MAN1B1: variants seen among roughly 807,000 people sequenced by gnomAD.
MAN1B1 encodes mannosidase alpha class 1B member 1, also known as endoplasmic reticulum mannosyl-oligosaccharide 1,2-alpha-mannosidase.
In MAN1B1, 66 loss-of-function variants were observed where a neutral mutation model predicts 75.5. The observed-to-expected ratio is 0.87, with a 90% CI of 0.72 to 1.07. MAN1B1 has a LOEUF of 1.07. Among genes scored for constraint, MAN1B1 ranks in the 50% least tolerant of loss-of-function variants. The pLI, the probability that MAN1B1 is intolerant of heterozygous loss-of-function variation, is 0.00. For missense variants in MAN1B1, 973 were observed against 912.5 expected, an observed-to-expected ratio of 1.07 and a Z score of -0.85; for synonymous variants, 453 against 382.8, an observed-to-expected ratio of 1.18 and a Z score of -2.14.
chr9:137,091,530 T>A (rs1193892227), intron 3 of MAN1B1, among the ~76,000 whole-genome samples: 12 of 145,526 alleles, frequency 8.2e-5, no homozygotes, highest in Admixed American at 5.5e-4. Context: ...TATTTTTTTT[T>A]TTTTTTTTTT....
At chr9:137,089,455 G>C (rs1293997854) in intron 3 of MAN1B1, among the ~76,000 whole-genome samples, 3 of 152,220 alleles carry the variant, frequency 2.0e-5, no homozygotes, top group African/African-American at 4.8e-5. Context: ...CTGGCACCGG[G>C]CAAGGTGGGG....
Position 137,108,682 on chromosome 9 carries a change from A to G in MAN1B1, c.*91A>G, listed in dbSNP as rs760279266. On this transcript the variant is annotated 3_prime_UTR_variant, in exon 13 of 13. Transcript: ENST00000371589. ...TCCAAGGGCCCACGTAGCACCGGCA[A>G]CCGCCAAGTGGCCCAGGCTCTGAAC... The G allele has an allele frequency of 4.9e-6, 6 of 1,226,534 alleles. No individual in the cohort carries two copies. The Admixed American group carries it at 5.1e-5, about 10-fold the overall frequency. 76.0% of individuals were successfully genotyped at this position (1,226,534 alleles called of 1,614,324 possible). A position where few individuals can be genotyped will look rare whatever the true frequency, so the allele number is the denominator to read the frequency against.
chr9:137,100,983 C>T (rs1202034153), intron 6 of MAN1B1, 22 bp from the exon 7 acceptor site: 2 of 1,613,860 alleles, frequency 1.2e-6, no homozygotes, highest in African/African-American at 2.7e-5. Flanking sequence ...GTCTCTGCAT[C>T]CTTTACTGTT....
chr9:137,105,175 T>C (rs1831049311), intron 8 of MAN1B1: 1 of 152,466 alleles, frequency 6.6e-6, no homozygotes, highest in Non-Finnish European at 1.5e-5. Flanking sequence ...AATGGTGTAT[T>C]TTGATAGATA....
intron 8 of MAN1B1, chr9:137,104,244 TTC>T (rs1831014860): frequency 2.7e-6 from 1 of 364,582 alleles, no homozygotes. Context: ...TTTTTTTGTT[TTC>T]GTTTGTTGAG....
At chr9:137,089,394 G>A (rs1472154802) in intron 3 of MAN1B1, 14 of 317,258 alleles carry the variant, frequency 4.4e-5, no homozygotes, top group South Asian at 2.2e-4. Flanking sequence ...GGTCCTGAGG[G>A]TTCAGGGGAG....
At chr9:137,094,102 C>T (rs557430351) in intron 3 of MAN1B1, among the ~76,000 whole-genome samples, 6 of 151,116 alleles carry the variant, frequency 4.0e-5, no homozygotes, top group Non-Finnish European at 4.4e-5. Flanking sequence ...GCAACCTCCA[C>T]GTCTCGGGTT....
In MAN1B1 at chr9:137,087,038, T is replaced by A; in HGVS notation, c.39T>A (p.Gly13=). The A allele has an allele frequency of 6.2e-7, 1 of 1,603,654 alleles. No homozygotes were observed. Among genetic ancestry groups the A allele is most frequent in the Non-Finnish European group, 8.5e-7 (1 of 1,176,872 alleles). The change falls in exon 1 of 13, where the codon GGT becomes GGA. Residue 13 remains glycine (G), a synonymous_variant. Coordinates refer to ENST00000371589, the MANE Select transcript of MAN1B1 (RefSeq NM_016219.5). Reference sequence around the variant, plus strand: ...AGGGCAGGAGAAGCGGAGCTCTCGGTTCCTCTCAGTCGGACTTCCTGACGC... The same window carrying A: ...AGGGCAGGAGAAGCGGAGCTCTCGGATCCTCTCAGTCGGACTTCCTGACGC... The part of the protein sequence containing the change: ...ACEGRRSGAL[G]SSQSDFLTPP...
In MAN1B1 at chr9:137,091,837, T is replaced by C. The variant is rs531101219; in HGVS notation, c.465+2832T>C. 5.3e-5 allele frequency among the ~76,000 whole-genome samples: 8 copies of C among 152,282 alleles called. No homozygotes were observed. The South Asian group carries it at 1.7e-3, about 32-fold the overall frequency. On this transcript the variant is annotated intron_variant, in intron 3 of 12. Transcript: ENST00000371589. ...CACCACGCCCGGCCTTAAAATTATT[T>C]AATAGAGATGAGGTCTCACTATGTT... is the stretch of plus-strand genomic sequence containing the variant.
chr9:137,102,027 G>A (rs867506087), intron 8 of MAN1B1: 193 of 393,140 alleles, frequency 4.9e-4, no homozygotes, highest in East Asian at 7.4e-4. Context: ...GCTGTTGCAG[G>A]CGTGCAGGTT....
Position 137,108,846 on chromosome 9 carries a change from T to G in MAN1B1, c.*255T>G. On this transcript the variant is annotated 3_prime_UTR_variant, in exon 13 of 13. Transcript: ENST00000371589. ...TCCTCCAGAAGACACGAATCATGAC[T>G]CACGATTGCTGAAGCCTGAGCAGGT... 1.5e-6 allele frequency: 1 copy of G among 645,674 alleles called. No homozygotes were observed. Among genetic ancestry groups the G allele is most frequent in the Non-Finnish European group, 2.9e-6 (1 of 348,764 alleles). The allele number at this position is 645,674 out of a possible 1,614,324, so 40.0% of individuals were successfully genotyped here.
intron 3 of MAN1B1, among the ~76,000 whole-genome samples, chr9:137,093,722 T>C (rs1444439607): frequency 6.6e-6 from 1 of 151,786 alleles, no homozygotes; most frequent in Middle Eastern, 3.2e-3. Context: ...TAGTCCCAGC[T>C]ACTCGGGAGG....
At chr9:137,108,234 G>A (rs1466854668) in intron 12 of MAN1B1, 154 bp from the exon 13 acceptor site, 34 of 695,980 alleles carry the variant, frequency 4.9e-5, no homozygotes, top group African/African-American at 1.2e-4. Flanking sequence ...GGAACCACAC[G>A]GCTCGCCTGG....
chr9:137,106,722 T>C lies in MAN1B1; in HGVS notation c.1479T>C (p.Gly493=). ...LLEDYVEAIE[G]VRTHLLRHSE... ...AAGACTACGTGGAAGCCATCGAGGG[T>C]GTCAGAACGCACCTGCTGCGGCACT... The change falls in exon 10 of 13, where the codon GGT becomes GGC. Residue 493 remains glycine (G), a synonymous_variant. Transcript: ENST00000371589. 6.2e-7 allele frequency: 1 copy of C among 1,613,408 alleles called. No homozygotes were observed. The highest frequency in any genetic ancestry group is 8.5e-7 in the Non-Finnish European group (1 of 1,179,994).
intron 2 of MAN1B1, 114 bp downstream of exon 2, chr9:137,088,297 G>T (rs760501323): frequency 1.1e-5 from 17 of 1,609,548 alleles, no homozygotes; most frequent in Non-Finnish European, 1.4e-5. Flanking sequence ...CAACGAATTG[G>T]CAAGAAATCA....
At position 137,099,688 on chromosome 9, in the gene MAN1B1, C is replaced by A. The variant is rs375902720; in HGVS notation, c.731-8C>A. The A allele has an allele frequency of 1.4e-5, 22 of 1,614,106 alleles. No homozygotes were observed. The highest frequency in any genetic ancestry group is 1.3e-5 in the African/African-American group (1 of 75,080). On this transcript the variant is annotated splice_polypyrimidine_tract_variant and splice_region_variant and intron_variant, in intron 5 of 12. Coordinates refer to ENST00000371589, the MANE Select transcript of MAN1B1 (RefSeq NM_016219.5). ...CCGCCATGGCCTGTGCTCTCTCCCC[C>A]CTACTAGTGCATCTGAACTATCGCC...
chr9:137,105,890 C>T (rs568522032), intron 8 of MAN1B1: 4 of 672,108 alleles, frequency 6.0e-6, no homozygotes, highest in African/African-American at 1.8e-5. Context: ...TCTGTGGTGA[C>T]CACCCGTTGG....
chr9:137,108,046 C>T (rs1831181956), intron 12 of MAN1B1: 2 of 609,970 alleles, frequency 3.3e-6, no homozygotes, highest in South Asian at 2.0e-5. Context: ...GCCAGAGTGT[C>T]ACTTCCTGGC....
intron 10 of MAN1B1, chr9:137,107,025 C>T: frequency 1.3e-6 from 1 of 749,756 alleles, no homozygotes; most frequent in Non-Finnish European, 2.1e-6. Context: ...GGGCAGCTCC[C>T]TCCCCGTGCC....
Sources: gnomAD v4.1 joint callset for allele counts (sites outside exome capture counted in the v4.1 genomes callset) on GRCh38, gnomAD v4.1.1 for gene constraint, MANE v1.5 for transcripts, NCBI Gene and HGNC (gene_info 2026-07-23, HGNC 2026-07-21) for gene names.